The following EPHA6 variants were observed in gnomAD, a reference collection of about 807,000 sequenced individuals.
The protein encoded by EPHA6 is EPH receptor A6, also known as ephrin type-A receptor 6.
A neutral mutation model predicts 112.0 loss-of-function variants in EPHA6; 50 were observed. The observed-to-expected ratio is 0.45, with a 90% CI of 0.36 to 0.56. EPHA6 has a LOEUF of 0.56. Ranked by LOEUF, EPHA6 falls within the 20% of genes least tolerant of loss-of-function variation. EPHA6 has a pLI of 0.00. For synonymous variants in EPHA6, 529 were observed against 490.7 expected, an observed-to-expected ratio of 1.08 and a Z score of -1.03; for missense variants, 1,280 against 1,417.4, an observed-to-expected ratio of 0.90 and a Z score of 1.56.
chr3:97,531,250 A>G (rs548230973), intron 10 of EPHA6, among the ~76,000 whole-genome samples: 1 of 152,156 alleles, frequency 6.6e-6, no homozygotes, highest in East Asian at 1.9e-4. Flanking sequence ...TCTTAAGGAA[A>G]TGCAGGTAAT....
intron 10 of EPHA6, among the ~76,000 whole-genome samples, chr3:97,511,862 A>AT (rs553757560): frequency 1.5e-4 from 23 of 151,220 alleles, no homozygotes; most frequent in South Asian, 4.2e-4. Context: ...GTCCTAACAT[A>AT]TTTTTTTTTC....
chr3:97,000,381 A>G (rs1047053527), intron 3 of EPHA6, among the ~76,000 whole-genome samples: 7 of 151,164 alleles, frequency 4.6e-5, no homozygotes, highest in African/African-American at 1.7e-4. Context: ...ATATATATAT[A>G]TGTATATGTT....
chr3:96,854,980 A>C (rs1169964859), intron 1 of EPHA6, among the ~76,000 whole-genome samples: 2 of 152,146 alleles, frequency 1.3e-5, no homozygotes, highest in Non-Finnish European at 2.9e-5. Flanking sequence ...CTAGGCTAAA[A>C]CCAAGGTGTT....
At chr3:97,562,559 A>T (rs540396230) in intron 11 of EPHA6, among the ~76,000 whole-genome samples, 24 of 152,210 alleles carry the variant, frequency 1.6e-4, no homozygotes, top group Non-Finnish European at 2.9e-4. Context: ...ATGAGCAAAG[A>T]AAGTGGTTTC....
chr3:97,352,743 G>A (rs890570135), intron 5 of EPHA6, among the ~76,000 whole-genome samples: 1 of 152,108 alleles, frequency 6.6e-6, no homozygotes, highest in African/African-American at 2.4e-5. Flanking sequence ...TCCTAGGGAG[G>A]TCTTGGCACT....
At chr3:97,015,025 C>T (rs1351470316) in intron 3 of EPHA6, among the ~76,000 whole-genome samples, 8 of 152,116 alleles carry the variant, frequency 5.3e-5, no homozygotes, top group Non-Finnish European at 1.0e-4. Flanking sequence ...CCTCCACCAA[C>T]AAGTAAATTA....
chr3:96,922,007 TA>T (rs1220275636), intron 2 of EPHA6, among the ~76,000 whole-genome samples: 4 of 151,778 alleles, frequency 2.6e-5, no homozygotes, highest in Admixed American at 2.0e-4. Context: ...TTAATTATAT[TA>T]AAATAAATGA....
intron 2 of EPHA6, among the ~76,000 whole-genome samples, chr3:96,955,576 A>G (rs9815358): frequency 0.018 from 2,767 of 152,286 alleles, 71 homozygotes; most frequent in African/African-American, 0.05. Flanking sequence ...GGTAAATTTC[A>G]AGACTAATGG....
At chr3:97,421,160 C>G (rs937690145) in intron 6 of EPHA6, among the ~76,000 whole-genome samples, 15 of 151,806 alleles carry the variant, frequency 9.9e-5, no homozygotes, top group African/African-American at 3.6e-4. Flanking sequence ...ATAGTTTCTA[C>G]TAAATATTAG....
At chr3:96,955,449 T>G (rs1040155694) in intron 2 of EPHA6, among the ~76,000 whole-genome samples, 1 of 152,220 alleles carries the variant, frequency 6.6e-6, no homozygotes, top group Non-Finnish European at 1.5e-5. Flanking sequence ...ATGGATATCT[T>G]CTAAGGAAGC....
chr3:97,214,038 T>TGTGTGAGAGAGAGA (rs1491420279), intron 3 of EPHA6, among the ~76,000 whole-genome samples: 54 of 77,844 alleles, frequency 6.9e-4, no homozygotes, highest in African/African-American at 1.7e-3. Flanking sequence ...TGTGTGTGTG[T>TGTGTGAGAGAGAGA]GAGAGAGAGA....
chr3:96,981,037 T>G (rs2042749283), intron 2 of EPHA6, among the ~76,000 whole-genome samples: 1 of 152,212 alleles, frequency 6.6e-6, no homozygotes, highest in African/African-American at 2.4e-5. Flanking sequence ...TTGAATACCC[T>G]TTATTTCTTT....
intron 5 of EPHA6, among the ~76,000 whole-genome samples, chr3:97,404,714 A>G (rs187684329): frequency 2.0e-5 from 3 of 152,280 alleles, no homozygotes; most frequent in African/African-American, 7.2e-5. Flanking sequence ...AACTTTTTTG[A>G]AGCCTTAAAA....
chr3:97,441,961 TAAGATAATTAAGTTATGCTTTACAAAGA>T (rs2090153121), intron 6 of EPHA6, among the ~76,000 whole-genome samples: 1 of 152,168 alleles, frequency 6.6e-6, no homozygotes, highest in Non-Finnish European at 1.5e-5. Flanking sequence ...TTAAGTTTTG[TAAGATAATTAAGTTATGCTTTACAAAGA>T]AAGAACATAT....
chr3:97,380,145 C>T (rs1397229530), intron 5 of EPHA6, among the ~76,000 whole-genome samples: 1 of 152,052 alleles, frequency 6.6e-6, no homozygotes, highest in African/African-American at 2.4e-5. Context: ...GATCTGTCTG[C>T]AGAATTAAAA....
chr3:97,070,813 CTT>C (rs975451617), intron 3 of EPHA6, among the ~76,000 whole-genome samples: 1 of 152,050 alleles, frequency 6.6e-6, no homozygotes, highest in Non-Finnish European at 1.5e-5. Context: ...ATCAATGTGT[CTT>C]TATGTCCACA....
chr3:97,493,204 A>ATG (rs756975147), intron 10 of EPHA6, among the ~76,000 whole-genome samples: 36 of 151,130 alleles, frequency 2.4e-4, no homozygotes, highest in East Asian at 7.8e-4. Context: ...TTGTGTTTGT[A>ATG]TGTGTGTGTG....
intron 3 of EPHA6, among the ~76,000 whole-genome samples, chr3:97,060,157 T>G (rs566310198): frequency 1.3e-5 from 2 of 151,932 alleles, no homozygotes; most frequent in South Asian, 4.2e-4. Context: ...AACAAAAAGC[T>G]TAATATTTAT....
intron 11 of EPHA6, among the ~76,000 whole-genome samples, chr3:97,534,826 T>C (rs1045190672): frequency 6.6e-6 from 1 of 152,098 alleles, no homozygotes; most frequent in Non-Finnish European, 1.5e-5. Flanking sequence ...AAAGATAATT[T>C]TCAAGTTGGG....
Sources: gnomAD v4.1 joint callset for allele counts (sites outside exome capture counted in the v4.1 genomes callset) on GRCh38, gnomAD v4.1.1 for gene constraint, MANE v1.5 for transcripts, NCBI Gene and HGNC (gene_info 2026-07-23, HGNC 2026-07-21) for gene names.